MAF: variants seen among roughly 807,000 people sequenced by gnomAD.
The protein encoded by MAF is transcription factor Maf.
Under a neutral mutation model 22.0 loss-of-function variants are expected in MAF, and 10 were observed. The observed-to-expected ratio is 0.45, with a 90% CI of 0.28 to 0.77. The LOEUF (loss-of-function observed/expected upper bound fraction) is 0.77, where lower values mean the gene tolerates loss of function less well. Ranked by LOEUF, MAF falls within the 30% of genes least tolerant of loss-of-function variation. The pLI is 0.12. For synonymous variants in MAF, 337 were observed against 255.8 expected (o/e 1.32, Z -3.03); for missense variants, 544 against 548.4 (o/e 0.99, Z 0.08).
At chr16:79,435,586 G>A in the MAF span, among the ~76,000 whole-genome samples, 1 of 152,166 alleles carries the variant, frequency 6.6e-6, no homozygotes, top group African/African-American at 2.4e-5. Flanking sequence ...GGAAACTGAG[G>A]CTCAGGAAGC....
chr16:79,557,423 C>T, the MAF span, among the ~76,000 whole-genome samples: 2 of 151,988 alleles, frequency 1.3e-5, no homozygotes, highest in African/African-American at 4.8e-5. Context: ...TGGCCATGAG[C>T]AAGAAGAAAT....
the MAF span, among the ~76,000 whole-genome samples, chr16:79,489,737 AG>A: frequency 6.6e-6 from 1 of 152,246 alleles, no homozygotes; most frequent in Non-Finnish European, 1.5e-5. Context: ...GCAAAGCTTC[AG>A]GGTACGGAAA....
the MAF span, among the ~76,000 whole-genome samples, chr16:79,386,556 C>T: frequency 7.2e-5 from 11 of 152,110 alleles, no homozygotes; most frequent in South Asian, 2.1e-4. Flanking sequence ...TGGCCTGGCT[C>T]GTAACAGGCC....
chr16:79,424,260 C>G, the MAF span, among the ~76,000 whole-genome samples: 1 of 152,118 alleles, frequency 6.6e-6, no homozygotes, highest in African/African-American at 2.4e-5. Context: ...GTTGAAAAAT[C>G]ATGCATTTAA....
chr16:79,388,302 CTGT>C, the MAF span, among the ~76,000 whole-genome samples: 3 of 150,332 alleles, frequency 2.0e-5, no homozygotes, highest in Non-Finnish European at 4.4e-5. Context: ...TATTTCTGGG[CTGT>C]TAAGATTTCT....
At chr16:79,590,285 T>G (rs1913116888), downstream of MAF, among the ~76,000 whole-genome samples, 1 of 152,186 alleles carries the variant, frequency 6.6e-6, no homozygotes, top group Non-Finnish European at 1.5e-5. Flanking sequence ...GCATCCTCTC[T>G]GCCTACATCT....
At chr16:79,254,283 G>A in the MAF span, among the ~76,000 whole-genome samples, 1 of 151,940 alleles carries the variant, frequency 6.6e-6, no homozygotes, top group African/African-American at 2.4e-5. Flanking sequence ...TTATATATAT[G>A]TAGTAGTGTA....
At chr16:79,403,876 G>T in the MAF span, among the ~76,000 whole-genome samples, 2 of 152,144 alleles carry the variant, frequency 1.3e-5, no homozygotes, top group Admixed American at 1.3e-4. Context: ...TTTCTTTGTG[G>T]CATGGATGGC....
chr16:79,546,205 C>G, the MAF span, among the ~76,000 whole-genome samples: 18 of 152,220 alleles, frequency 1.2e-4, no homozygotes, highest in African/African-American at 4.1e-4. Flanking sequence ...ATTGTGAGAA[C>G]AGATCTATGT....
chr16:79,577,147 C>G, the MAF span, among the ~76,000 whole-genome samples: 1 of 152,262 alleles, frequency 6.6e-6, no homozygotes, highest in South Asian at 2.1e-4. Flanking sequence ...CATTTGTTTT[C>G]AGAGCCGGAG....
the MAF span, among the ~76,000 whole-genome samples, chr16:79,299,245 T>A: frequency 6.6e-6 from 1 of 151,506 alleles, no homozygotes; most frequent in African/African-American, 2.4e-5. Context: ...CGGGTTTTGT[T>A]CAGGATCCCA....
chr16:79,343,390 G>T, the MAF span, among the ~76,000 whole-genome samples: 2 of 152,136 alleles, frequency 1.3e-5, no homozygotes, highest in Non-Finnish European at 2.9e-5. Flanking sequence ...AAGATGCAAC[G>T]AGCATATTTG....
At chr16:79,590,750 A>T (rs1403941214), downstream of MAF, among the ~76,000 whole-genome samples, 1 of 151,870 alleles carries the variant, frequency 6.6e-6, no homozygotes, top group Non-Finnish European at 1.5e-5. Flanking sequence ...TGGTGACTGG[A>T]GGTCATAAGC....
At chr16:79,474,660 T>A in the MAF span, among the ~76,000 whole-genome samples, 1 of 152,184 alleles carries the variant, frequency 6.6e-6, no homozygotes, top group African/African-American at 2.4e-5. Context: ...TCTTTTTCTT[T>A]TTTTGTCCCA....
chr16:79,392,541 G>T, the MAF span, among the ~76,000 whole-genome samples: 1 of 152,048 alleles, frequency 6.6e-6, no homozygotes, highest in African/African-American at 2.4e-5. Flanking sequence ...AAACAAGAGA[G>T]GAGATGAACA....
At chr16:79,416,600 C>T in the MAF span, among the ~76,000 whole-genome samples, 1 of 152,054 alleles carries the variant, frequency 6.6e-6, no homozygotes, top group Admixed American at 6.5e-5. Flanking sequence ...GCCGTACCCC[C>T]ACTCCAGTTT....
the MAF span, among the ~76,000 whole-genome samples, chr16:79,489,058 G>A: frequency 2.6e-5 from 4 of 152,058 alleles, no homozygotes; most frequent in African/African-American, 4.8e-5. Flanking sequence ...CTAGAGAAAC[G>A]TGGCAACTAT....
the MAF span, among the ~76,000 whole-genome samples, chr16:79,350,826 G>A: frequency 1.3e-5 from 2 of 152,098 alleles, no homozygotes; most frequent in African/African-American, 4.8e-5. Context: ...TGGAATGTCA[G>A]AGTTGTGTGG....
At chr16:79,402,948 G>A in the MAF span, among the ~76,000 whole-genome samples, 1 of 151,568 alleles carries the variant, frequency 6.6e-6, no homozygotes, top group Non-Finnish European at 1.5e-5. Context: ...GTGGAGCCTT[G>A]GGAGTCCTTG....
Sources: allele counts gnomAD v4.1 joint callset (sites outside exome capture counted in the v4.1 genomes callset), GRCh38; gene constraint gnomAD v4.1.1; transcripts MANE v1.5; gene names NCBI Gene and HGNC (gene_info 2026-07-23, HGNC 2026-07-21).